Variants in GRXCR1 observed in about 807,000 individuals in gnomAD.
GRXCR1 encodes the protein glutaredoxin domain-containing cysteine-rich protein 1.
GRXCR1 carries 27 observed loss-of-function variants against 27.3 expected under a neutral mutation model. That is an observed-to-expected ratio of 0.99 (90% confidence interval 0.73 to 1.37). The LOEUF (loss-of-function observed/expected upper bound fraction) is 1.37. Ranked by LOEUF, GRXCR1 falls within the 40% of genes most tolerant of loss-of-function variation. The probability of loss-of-function intolerance (pLI) is 0.00; values close to 1 mark genes in which losing one functional copy is unlikely to be tolerated. For missense variants in GRXCR1, 379 were observed against 354.4 expected (o/e 1.07, Z -0.56); for synonymous variants, 122 against 131.1 (o/e 0.93, Z 0.47).
intron 1 of GRXCR1, among the ~76,000 whole-genome samples, chr4:42,908,293 T>A (rs1388731366): frequency 1.3e-5 from 2 of 152,262 alleles, no homozygotes; most frequent in South Asian, 4.1e-4. Context: ...TACTGACAGG[T>A]AGTTGTAACG....
At chr4:43,000,516 T>C in intron 2 of GRXCR1, among the ~76,000 whole-genome samples, 1 of 148,572 alleles carries the variant, frequency 6.7e-6, no homozygotes, top group African/African-American at 2.5e-5. Flanking sequence ...CTAAGTCTCA[T>C]GGTATAGCAG....
chr4:42,939,527 C>G (rs1747556133), intron 1 of GRXCR1, among the ~76,000 whole-genome samples: 1 of 151,962 alleles, frequency 6.6e-6, no homozygotes, highest in South Asian at 2.1e-4. Flanking sequence ...AGCTAGGACT[C>G]CCAGTACTAT....
At chr4:42,947,180 T>TCA in intron 1 of GRXCR1, among the ~76,000 whole-genome samples, 2 of 152,014 alleles carry the variant, frequency 1.3e-5, no homozygotes, top group Non-Finnish European at 2.9e-5. Context: ...AGTTAGCTGT[T>TCA]GAAATTTTGG....
At chr4:42,956,811 A>T (rs1287084219) in intron 1 of GRXCR1, among the ~76,000 whole-genome samples, 1 of 152,056 alleles carries the variant, frequency 6.6e-6, no homozygotes, top group Non-Finnish European at 1.5e-5. Context: ...TATCTTGCAC[A>T]ACTACCCCCA....
At chr4:42,987,231 A>ATATATATATAT (rs1467414191) in intron 2 of GRXCR1, among the ~76,000 whole-genome samples, 23 of 86,518 alleles carry the variant, frequency 2.7e-4, no homozygotes, top group Non-Finnish European at 3.4e-4. Flanking sequence ...ATTATATATT[A>ATATATATATAT]TATATATATA....
At chr4:42,945,619 A>G (rs931195690) in intron 1 of GRXCR1, among the ~76,000 whole-genome samples, 8 of 152,276 alleles carry the variant, frequency 5.3e-5, no homozygotes, top group Admixed American at 6.5e-5. Context: ...ATTGAGCTCT[A>G]CAGAGGGTGG....
chr4:43,001,333 A>G (rs1369103633), intron 2 of GRXCR1, among the ~76,000 whole-genome samples: 10 of 152,088 alleles, frequency 6.6e-5, no homozygotes, highest in African/African-American at 1.4e-4. Flanking sequence ...GCTAAGTCCC[A>G]TCGTGCCTCA....
chr4:42,991,133 A>G (rs534607391), intron 2 of GRXCR1, among the ~76,000 whole-genome samples: 1 of 152,158 alleles, frequency 6.6e-6, no homozygotes, highest in East Asian at 1.9e-4. Context: ...CAGATGGCCC[A>G]CTTCACAGCT....
intron 2 of GRXCR1, among the ~76,000 whole-genome samples, chr4:42,993,173 G>A (rs769764998): frequency 3.9e-5 from 6 of 151,932 alleles, no homozygotes; most frequent in Admixed American, 6.6e-5. Flanking sequence ...CAAGTAAAAG[G>A]TAAGTGAAAT....
chr4:42,894,222 A>T (rs2109733980), intron 1 of GRXCR1, among the ~76,000 whole-genome samples: 1 of 152,208 alleles, frequency 6.6e-6, no homozygotes, highest in Admixed American at 6.6e-5. Flanking sequence ...TGCTTGAAAA[A>T]ATTACTCCTC....
intron 1 of GRXCR1, among the ~76,000 whole-genome samples, chr4:42,937,924 C>T (rs945069371): frequency 2.6e-5 from 4 of 151,932 alleles, no homozygotes; most frequent in African/African-American, 9.7e-5. Flanking sequence ...GAGTTATAAA[C>T]ATTTCAATTG....
chr4:42,953,767 T>C (rs1412915272), intron 1 of GRXCR1, among the ~76,000 whole-genome samples: 3 of 152,132 alleles, frequency 2.0e-5, no homozygotes, highest in Non-Finnish European at 1.5e-5. Flanking sequence ...ATAGCAATAA[T>C]GGTGATAGTG....
chr4:42,933,703 C>T (rs1315137370), intron 1 of GRXCR1, among the ~76,000 whole-genome samples: 1 of 151,884 alleles, frequency 6.6e-6, no homozygotes, highest in East Asian at 1.9e-4. Flanking sequence ...CTCCCTTTCA[C>T]CATGTGAAGA....
chr4:42,969,554 G>C (rs1304277760), intron 2 of GRXCR1, among the ~76,000 whole-genome samples: 1 of 152,094 alleles, frequency 6.6e-6, no homozygotes, highest in East Asian at 1.9e-4. Flanking sequence ...TGGAGCACGG[G>C]AGAGAGAGGG....
intron 1 of GRXCR1, among the ~76,000 whole-genome samples, chr4:42,949,889 C>G (rs1164274473): frequency 1.3e-5 from 2 of 152,138 alleles, no homozygotes; most frequent in Non-Finnish European, 2.9e-5. Flanking sequence ...AGTTCTCAGT[C>G]TATTCTGGGA....
intron 2 of GRXCR1, among the ~76,000 whole-genome samples, chr4:43,007,337 A>G (rs73240047): frequency 0.013 from 2,048 of 152,306 alleles, 23 homozygotes; most frequent in Non-Finnish European, 0.02. Flanking sequence ...CTTCATGAAC[A>G]TCAGACAGAG....
intron 1 of GRXCR1, among the ~76,000 whole-genome samples, chr4:42,942,197 AT>A (rs1381357681): frequency 3.9e-5 from 6 of 152,106 alleles, no homozygotes; most frequent in Non-Finnish European, 8.8e-5. Flanking sequence ...GATATAATTA[AT>A]TTTGAATACT....
intron 1 of GRXCR1, among the ~76,000 whole-genome samples, chr4:42,935,826 T>C (rs1747443706): frequency 2.0e-5 from 3 of 151,954 alleles, no homozygotes. Context: ...CTTCAGATGT[T>C]AACATATGCC....
At chr4:42,957,935 T>C (rs1365629716) in intron 1 of GRXCR1, among the ~76,000 whole-genome samples, 1 of 151,996 alleles carries the variant, frequency 6.6e-6, no homozygotes, top group Non-Finnish European at 1.5e-5. Flanking sequence ...ACTTATTTAA[T>C]TCATTTGATG....
Sources: allele counts gnomAD v4.1 joint callset (sites outside exome capture counted in the v4.1 genomes callset), GRCh38; gene constraint gnomAD v4.1.1; transcripts MANE v1.5; gene names NCBI Gene and HGNC (gene_info 2026-07-23, HGNC 2026-07-21).